The following NXPE1 variants were observed in gnomAD, a reference collection of about 807,000 sequenced individuals.
NXPE1 encodes NXPE family member 1.
In NXPE1, 31 loss-of-function variants were observed where a neutral mutation model predicts 33.3. The ratio of observed to expected loss-of-function variants is 0.93; its 90% CI spans 0.70 to 1.26. NXPE1 has a LOEUF of 1.26. Among genes scored for constraint, NXPE1 ranks in the 50% most tolerant of loss-of-function variants. The pLI, the probability that NXPE1 is intolerant of heterozygous loss-of-function variation, is 0.00. For synonymous variants in NXPE1, 229 were observed against 231.4 expected (o/e 0.99, Z 0.09); for missense variants, 661 against 655.6 (o/e 1.01, Z -0.09).
chr11:114,552,314 G>A (rs555110388), intron 2 of NXPE1, among the ~76,000 whole-genome samples: 5 of 152,184 alleles, frequency 3.3e-5, no homozygotes, highest in African/African-American at 1.2e-4. Flanking sequence ...CAGAAGAGAA[G>A]ACAAGGGGCA....
chr11:114,536,871 T>C (rs4938114), intron 5 of NXPE1, among the ~76,000 whole-genome samples: 35,375 of 152,040 alleles, frequency 0.23, 5,909 homozygotes, highest in African/African-American at 0.46. Flanking sequence ...GAGCTGGTAC[T>C]ATTCCATCTG....
In NXPE1 at chr11:114,540,885, T is replaced by TTTTTTTTTTG. The variant is rs754802719; in HGVS notation, c.100-9978_100-9977insCAAAAAAAAA. 3.8e-4 allele frequency among the ~76,000 whole-genome samples: 31 copies of TTTTTTTTTTG among 81,290 alleles called. 5 individuals are homozygous for TTTTTTTTTTG. The highest frequency in any genetic ancestry group is 5.2e-4 in the Non-Finnish European group (21 of 40,698). The allele number at this position is 81,290 out of a possible 152,430, so 53.3% of individuals were successfully genotyped here. On this transcript the variant is annotated intron_variant, in intron 5 of 8. Coordinates refer to ENST00000534921, the Ensembl canonical transcript of NXPE1. ...TTTTTTTTTTTTTTTTTTTTTTTTT[T>TTTTTTTTTTG]GGCTTGAACAACCTGAGAGCAGAGT...
chr11:114,522,381 A>G (rs1391987128), exon 9 of NXPE1: 1 of 1,614,148 alleles, frequency 6.2e-7, no homozygotes, highest in Non-Finnish European at 8.5e-7. Flanking sequence ...ATCAGAGAGT[A>G]GAGCTGGAAA....
chr11:114,541,692 T>C (rs1948103122), intron 5 of NXPE1, among the ~76,000 whole-genome samples: 1 of 152,172 alleles, frequency 6.6e-6, no homozygotes, highest in Admixed American at 6.5e-5. Flanking sequence ...TTCCAGGCTA[T>C]AGGTAAATTT....
intron 5 of NXPE1, among the ~76,000 whole-genome samples, chr11:114,545,017 T>C (rs1336005028): frequency 6.6e-6 from 1 of 152,120 alleles, no homozygotes; most frequent in East Asian, 1.9e-4. Flanking sequence ...GAAATACTAA[T>C]ACATATCAAT....
At chr11:114,548,384 A>G (rs1948352159) in intron 5 of NXPE1, among the ~76,000 whole-genome samples, 1 of 152,146 alleles carries the variant, frequency 6.6e-6, no homozygotes, top group African/African-American at 2.4e-5. Flanking sequence ...AGAGGAACAT[A>G]TGAAACCTTT....
At chr11:114,521,826 G>A in exon 9 of NXPE1, 1 of 635,566 alleles carries the variant, frequency 1.6e-6, no homozygotes, top group African/African-American at 1.8e-5. Context: ...AGTTGTCATT[G>A]TCCTTACATA....
chr11:114,531,549 C>T (rs1461396264), intron 5 of NXPE1, among the ~76,000 whole-genome samples: 1 of 152,278 alleles, frequency 6.6e-6, no homozygotes, highest in South Asian at 2.1e-4. Flanking sequence ...CCAACTTAAC[C>T]CCCTTCAATG....
Position 114,523,111 on chromosome 11 carries a change from T to C in NXPE1, c.896-20A>G, listed in dbSNP as rs769814415. On this transcript the variant is annotated intron_variant, in intron 7 of 8. Coordinates refer to ENST00000534921, the Ensembl canonical transcript of NXPE1. Reference sequence around the variant, plus strand: ...CTCTCTCTGGTAACAAAGACACTCGTAAATGATTTTATTGGCAAAACTTAG... The same window carrying C: ...CTCTCTCTGGTAACAAAGACACTCGCAAATGATTTTATTGGCAAAACTTAG... The C allele has an allele frequency of 1.3e-6, 2 of 1,572,656 alleles. No individual in the cohort carries two copies. The highest frequency in any genetic ancestry group is 2.2e-5 in the South Asian group (2 of 89,748).
intron 5 of NXPE1, 21 bp from the exon 6 acceptor site, chr11:114,530,929 A>G: frequency 1.3e-6 from 2 of 1,567,216 alleles, no homozygotes; most frequent in Non-Finnish European, 1.7e-6. Flanking sequence ...AAGGATTGTG[A>G]TATACTATGA....
chr11:114,534,201 C>G (rs1249341378), intron 5 of NXPE1, among the ~76,000 whole-genome samples: 2 of 152,144 alleles, frequency 1.3e-5, no homozygotes, highest in African/African-American at 4.8e-5. Flanking sequence ...CCAGTAAACT[C>G]CAACAGACCT....
intron 4 of NXPE1, 25 bp downstream of exon 4, chr11:114,551,358 T>G (rs946986554): frequency 5.0e-6 from 7 of 1,413,606 alleles, no homozygotes; most frequent in Middle Eastern, 2.4e-4. Flanking sequence ...AACTAACAAC[T>G]CATACCCCCA....
At chr11:114,537,646 C>T (rs1363300748) in intron 5 of NXPE1, among the ~76,000 whole-genome samples, 2 of 152,138 alleles carry the variant, frequency 1.3e-5, no homozygotes, top group Non-Finnish European at 2.9e-5. Context: ...AACAGACAAA[C>T]AGAGAGCCAA....
At chr11:114,551,107 G>A in exon 5 of NXPE1, 2 of 1,498,790 alleles carry the variant, frequency 1.3e-6, no homozygotes, top group Non-Finnish European at 1.8e-6. Flanking sequence ...TCCTACCTTT[G>A]TGAAGTTCTG....
intron 5 of NXPE1, among the ~76,000 whole-genome samples, chr11:114,543,076 C>A (rs1462331736): frequency 6.6e-6 from 1 of 151,912 alleles, no homozygotes; most frequent in Non-Finnish European, 1.5e-5. Flanking sequence ...GCAAATATGG[C>A]AAGACTGTCT....
intron 5 of NXPE1, among the ~76,000 whole-genome samples, chr11:114,547,957 T>G (rs2135091722): frequency 6.6e-6 from 1 of 152,126 alleles, no homozygotes; most frequent in Non-Finnish European, 1.5e-5. Flanking sequence ...TCTGTAAACC[T>G]GAAACTAACC....
chr11:114,542,008 C>T (rs1347711084), intron 5 of NXPE1, among the ~76,000 whole-genome samples: 1 of 152,114 alleles, frequency 6.6e-6, no homozygotes, highest in African/African-American at 2.4e-5. Flanking sequence ...AATAAAAATT[C>T]CCACTATGGC....
chr11:114,530,136 CAG>C (rs773298258), intron 6 of NXPE1, 37 bp downstream of exon 6: 1 of 1,546,338 alleles, frequency 6.5e-7, no homozygotes, highest in South Asian at 1.3e-5. Flanking sequence ...GGGCACTTCT[CAG>C]GGGACACTTC....
At chr11:114,554,525 G>T (rs1948603952) in intron 1 of NXPE1, 1 of 277,984 alleles carries the variant, frequency 3.6e-6, no homozygotes, top group Non-Finnish European at 5.4e-6. Flanking sequence ...TTATACTGAG[G>T]TATAGTTATC....
Sources: allele counts gnomAD v4.1 joint callset (sites outside exome capture counted in the v4.1 genomes callset), GRCh38; gene constraint gnomAD v4.1.1; transcripts MANE v1.5; gene names NCBI Gene and HGNC (gene_info 2026-07-23, HGNC 2026-07-21).